Variants in PRF1 observed in about 807,000 individuals in gnomAD.
PRF1 encodes perforin-1.
In PRF1, 11 loss-of-function variants were observed where a neutral mutation model predicts 11.7. That is an observed-to-expected ratio of 0.94 (90% CI 0.59 to 1.56). The LOEUF (loss-of-function observed/expected upper bound fraction) is 1.56, where lower values mean the gene tolerates loss of function less well. Ranked by LOEUF, PRF1 falls within the 40% of genes most tolerant of loss-of-function variation. PRF1 has a pLI of 0.00. For missense variants in PRF1, 729 were observed against 751.0 expected, an observed-to-expected ratio of 0.97 and a Z score of 0.34; for synonymous variants, 314 against 327.8, an observed-to-expected ratio of 0.96 and a Z score of 0.45.
In PRF1 at chr10:70,600,763, C is replaced by A; in HGVS notation, c.140G>T (p.Gly47Val). ...GCGGCGGAGGCTGGTCACGTCCACACCCTCCCCGGCCAGCCATGCACCAGG... is the reference window on the plus strand; with the variant it reads ...GCGGCGGAGGCTGGTCACGTCCACAACCTCCCCGGCCAGCCATGCACCAGG... ...FVPGAWLAGEGVDVTSLRRSG... is the reference protein window; with the variant it reads ...FVPGAWLAGEVVDVTSLRRSG... The change falls in exon 2 of 3, where the codon GGT (glycine) becomes GTT (valine). Residue 47 changes from glycine to valine, a missense_variant. By Grantham distance (109) the Gly-to-Val change is moderately radical. Coordinates refer to ENST00000441259, the MANE Select transcript of PRF1 (RefSeq NM_001083116.3). The surrounding 1 kb of genome is among the most constrained non-coding windows in gnomAD (Gnocchi z 4.9). The A allele has an allele frequency of 6.2e-7, 1 of 1,611,488 alleles. No homozygotes were observed. Among genetic ancestry groups the A allele is most frequent in the Admixed American group, 1.7e-5 (1 of 59,900 alleles).
intron 1 of PRF1, among the ~76,000 whole-genome samples, chr10:70,602,244 C>G (rs1848241957): frequency 6.6e-6 from 1 of 152,170 alleles, no homozygotes; most frequent in East Asian, 1.9e-4. Context: ...GGTGGAATTT[C>G]AGGCAGCGTG....
Position 70,598,509 on chromosome 10 carries a change from G to C in PRF1, c.1212C>G (p.Thr404=), listed in dbSNP as rs757256300. 6.2e-7 allele frequency: 1 copy of C among 1,613,458 alleles called. No homozygotes were observed. The highest frequency in any genetic ancestry group is 1.1e-5 in the South Asian group (1 of 91,066). Residue 404 remains threonine (T), a synonymous_variant, in exon 3 of 3, where the codon ACC becomes ACG. Transcript: ENST00000441259. The part of the protein sequence containing the change: ...QCVCHGSAVT[T]QDCCPRQRGL... ...CCCTCTGCCGAGGGCAGCAGTCCTG[G>C]GTGGTGACCGCTGAGCCATGGCACA...
Position 70,597,809 on chromosome 10 carries a change from T to C in PRF1, c.*244A>G. 1.6e-6 allele frequency: 1 copy of C among 606,572 alleles called. No individual in the cohort carries two copies. Among genetic ancestry groups the C allele is most frequent in the Non-Finnish European group, 2.9e-6 (1 of 344,796 alleles). 37.6% of individuals were successfully genotyped at this position (606,572 alleles called of 1,614,324 possible). On this transcript the variant is annotated 3_prime_UTR_variant, in exon 3 of 3. Coordinates refer to ENST00000441259, the MANE Select transcript of PRF1 (RefSeq NM_001083116.3). Reference sequence around the variant, plus strand: ...AAGAAGAATTGTGTTGGGCCACATGTAAAATCCACTAGCACTAACGATAGC... The same window carrying C: ...AAGAAGAATTGTGTTGGGCCACATGCAAAATCCACTAGCACTAACGATAGC...
rs376506267 is a variant in PRF1, at chr10:70,598,851, G to C, written c.870C>G (p.Ala290=). The C allele has an allele frequency of 6.2e-7, 1 of 1,614,154 alleles. No individual in the cohort carries two copies. Among genetic ancestry groups the C allele is most frequent in the African/African-American group, 1.3e-5 (1 of 74,952 alleles). The stretch of plus-strand genomic sequence containing the variant: ...GCTCCCGGTAGGTTTGGTGGAAGGA[G>C]GCCGTCATCTTGTGCTTCTTCTTCT... ...EEKKKKHKMT[A]SFHQTYRERH... is the part of the protein sequence containing the mutation. Residue 290 remains alanine (A), a synonymous_variant, in exon 3 of 3, where the codon GCC becomes GCG. Coordinates refer to ENST00000441259, the MANE Select transcript of PRF1 (RefSeq NM_001083116.3).
Position 70,598,438 on chromosome 10 carries a change from C to G in PRF1, c.1283G>C (p.Trp428Ser), listed in dbSNP as rs747646127. 4 of 1,613,876 alleles carry G rather than the reference C, an allele frequency of 2.5e-6. No homozygotes were observed. The highest frequency in any genetic ancestry group is 4.5e-5 in the East Asian group (2 of 44,866). The change falls in exon 3 of 3, where the codon TGG (tryptophan) becomes TCG (serine). Residue 428 changes from tryptophan (W) to serine (S), a missense_variant. Coordinates refer to ENST00000441259, the MANE Select transcript of PRF1 (RefSeq NM_001083116.3). ...ATCCGTGGCAGTGAACCAGTCCCCC[C>G]ACAGGCCCCATGCTTGGATGAAGGT... ...EVTFIQAWGL[W>S]GDWFTATDAY...
At chr10:70,602,010 G>A (rs1057119092) in intron 1 of PRF1, among the ~76,000 whole-genome samples, 2 of 152,088 alleles carry the variant, frequency 1.3e-5, no homozygotes, top group South Asian at 4.1e-4. Context: ...GACAATGATT[G>A]TCTGGAAGGT....
chr10:70,598,492 C>T lies in PRF1; in HGVS notation c.1229G>A (p.Arg410Gln), dbSNP rs150558419. ...CTCCAGCTGGGCCAGGCCCCTCTGCCGAGGGCAGCAGTCCTGGGTGGTGAC... is the reference window on the plus strand; with the variant it reads ...CTCCAGCTGGGCCAGGCCCCTCTGCTGAGGGCAGCAGTCCTGGGTGGTGAC... The part of the protein sequence containing the change: ...SAVTTQDCCP[R>Q]QRGLAQLEVT... The change falls in exon 3 of 3, where the codon CGG (arginine) becomes CAG (glutamine). Residue 410 changes from arginine to glutamine, a missense_variant. By Grantham distance (43) the Arg-to-Gln change is conservative. Coordinates refer to ENST00000441259, the MANE Select transcript of PRF1 (RefSeq NM_001083116.3). The T allele has an allele frequency of 1.6e-4, 259 of 1,613,394 alleles. 3 individuals carry two copies. In the Admixed American group the frequency reaches 3.4e-3, roughly 21 times the overall value.
At chr10:70,599,323 G>A in intron 2 of PRF1, 142 bp from the exon 3 acceptor site, 1 of 1,053,070 alleles carries the variant, frequency 9.5e-7, no homozygotes, top group Non-Finnish European at 1.4e-6. Context: ...CAGAGCACAA[G>A]CACAGTGGCA....
intron 2 of PRF1, among the ~76,000 whole-genome samples, 175 bp from the exon 3 acceptor site, chr10:70,599,356 G>A (rs771399057): frequency 1.1e-4 from 17 of 152,162 alleles, no homozygotes; most frequent in Admixed American, 6.5e-4. Flanking sequence ...GAATGCCTCC[G>A]CTCTCACCCC....
At chr10:70,601,658 C>T (rs1431348897) in intron 1 of PRF1, among the ~76,000 whole-genome samples, 2 of 151,450 alleles carry the variant, frequency 1.3e-5, no homozygotes, top group African/African-American at 4.9e-5. Context: ...GTGAAACCCC[C>T]TCTTTACTAA....
At position 70,599,183 on chromosome 10, in the gene PRF1, T is replaced by C; in HGVS notation, c.540-2A>G. Reference sequence around the variant, plus strand: ...GGGGGAGTGTGTACCACATGGAAACTGCGAGAAGAGAGAGACCTCAGCTGG... The same window carrying C: ...GGGGGAGTGTGTACCACATGGAAACCGCGAGAAGAGAGAGACCTCAGCTGG... On this transcript the variant is annotated splice_acceptor_variant, in intron 2 of 2. Transcript: ENST00000441259. LOFTEE classifies it high-confidence loss of function. 3.1e-6 allele frequency: 5 copies of C among 1,614,146 alleles called. No homozygotes were observed. Among genetic ancestry groups the C allele is most frequent in the Non-Finnish European group, 4.2e-6 (5 of 1,180,022 alleles).
chr10:70,600,980 C>G lies in PRF1; in HGVS notation c.-30-48G>C, dbSNP rs1589233675. On this transcript the variant is annotated intron_variant, in intron 1 of 2. Coordinates refer to ENST00000441259, the MANE Select transcript of PRF1 (RefSeq NM_001083116.3). This position sits in a 1 kb window ranked among gnomAD's most constrained non-coding sequence, Gnocchi z 4.9. ...ATGGAGGATGACTGCTCCCTTCCCC[C>G]ACAGCCACAGATTATCAGGGCACAT... The G allele has an allele frequency of 3.9e-6, 6 of 1,534,880 alleles. No homozygotes were observed. The highest frequency in any genetic ancestry group is 2.0e-5 in the Admixed American group (1 of 50,744).
In PRF1 at chr10:70,598,848, G is replaced by A. The variant is rs149008090; in HGVS notation, c.873C>T (p.Ser291=). ...GGCGCTCCCGGTAGGTTTGGTGGAA[G>A]GAGGCCGTCATCTTGTGCTTCTTCT... ...EKKKKHKMTA[S]FHQTYRERHS... The change falls in exon 3 of 3, where the codon TCC becomes TCT. Residue 291 remains serine, a synonymous_variant. Coordinates refer to ENST00000441259, the MANE Select transcript of PRF1 (RefSeq NM_001083116.3). 408 of 1,614,278 alleles carry A rather than the reference G, an allele frequency of 2.5e-4. 1 individual carries two copies. In the African/African-American group the frequency reaches 4.7e-3, roughly 19 times the overall value.
intron 1 of PRF1, among the ~76,000 whole-genome samples, chr10:70,602,382 T>G (rs1848243763): frequency 6.6e-6 from 1 of 152,080 alleles, no homozygotes; most frequent in Admixed American, 6.5e-5. Flanking sequence ...CTCATGGTAT[T>G]CTGTCCCAGG....
Position 70,597,555 on chromosome 10 carries a change from C to A in PRF1, c.*498G>T. 2.2e-6 allele frequency: 1 copy of A among 452,744 alleles called. No homozygotes were observed. Among genetic ancestry groups the A allele is most frequent in the Non-Finnish European group, 3.8e-6 (1 of 260,452 alleles). 28.0% of individuals were successfully genotyped at this position (452,744 alleles called of 1,614,324 possible). ...AGGGTCCTAAAAGACCAGCCCTGAGCAGCCTGGTGGGAACAGCCTCTTGGC... is the reference window on the plus strand; with the variant it reads ...AGGGTCCTAAAAGACCAGCCCTGAGAAGCCTGGTGGGAACAGCCTCTTGGC... On this transcript the variant is annotated 3_prime_UTR_variant, in exon 3 of 3. Transcript: ENST00000441259.
intron 1 of PRF1, 144 bp from the exon 2 acceptor site, chr10:70,601,076 G>A: frequency 7.9e-7 from 1 of 1,269,902 alleles, no homozygotes; most frequent in Non-Finnish European, 1.1e-6. Context: ...GTCCCTTATA[G>A]GCCTGGTTCA....
rs1226313750 is a variant in PRF1 at position 70,600,439 on chromosome 10, G to A, written c.464C>T (p.Ala155Val). Residue 155 changes from alanine to valine, a missense_variant, in exon 2 of 3, where the codon GCC (alanine) becomes GTC (valine). Ala to Val is a moderately conservative substitution (Grantham distance 64). Transcript: ENST00000441259. The surrounding 1 kb of genome is among the most constrained non-coding windows in gnomAD (Gnocchi z 4.9). ...GTGGGTCTTCTGGGCTGCAAAGTTG[G>A]CTGCCTGTGAGTGTGAGCCGGCCAC... Reference protein sequence around the residue: ...VSVAGSHSQAANFAAQKTHQD... With the variant: ...VSVAGSHSQAVNFAAQKTHQD... 1.2e-6 allele frequency: 2 copies of A among 1,614,094 alleles called. No individual in the cohort carries two copies. Among genetic ancestry groups the A allele is most frequent in the Admixed American group, 3.3e-5 (2 of 60,008 alleles).
In PRF1 at chr10:70,600,212, AT is replaced by A; in HGVS notation, c.539+151del. On this transcript the variant is annotated intron_variant, in intron 2 of 2. Coordinates refer to ENST00000441259, the MANE Select transcript of PRF1 (RefSeq NM_001083116.3). The surrounding 1 kb of genome is among the most constrained non-coding windows in gnomAD (Gnocchi z 4.9). ...GGATGAGAGGAGGCCACAGGGCTGA[AT>A]CACCTGAAGTCTGAGAGCCAGGATT... is the stretch of plus-strand genomic sequence containing the variant. 1 of 1,434,458 alleles carries A rather than the reference AT, an allele frequency of 7.0e-7. No individual in the cohort carries two copies. The highest frequency in any genetic ancestry group is 9.3e-7 in the Non-Finnish European group (1 of 1,077,234). 88.9% of individuals were successfully genotyped at this position (1,434,458 alleles called of 1,614,324 possible). A position where few individuals can be genotyped will look rare whatever the true frequency, so the allele number is the denominator to read the frequency against.
Position 70,598,009 on chromosome 10 carries a change from C to A in PRF1, c.*44G>T. Reference sequence around the variant, plus strand: ...ACAGCCCTGGCTCCCACTGTGAGAACCCCTTCAGTCCAAGCATACTGGTCC... The same window carrying A: ...ACAGCCCTGGCTCCCACTGTGAGAAACCCTTCAGTCCAAGCATACTGGTCC... On this transcript the variant is annotated 3_prime_UTR_variant, in exon 3 of 3. Coordinates refer to ENST00000441259, the MANE Select transcript of PRF1 (RefSeq NM_001083116.3). 3 of 1,604,730 alleles carry A rather than the reference C, an allele frequency of 1.9e-6. No individual in the cohort carries two copies. The highest frequency in any genetic ancestry group is 2.5e-6 in the Non-Finnish European group (3 of 1,178,874).
Sources: allele counts gnomAD v4.1 joint callset (sites outside exome capture counted in the v4.1 genomes callset), GRCh38; gene constraint gnomAD v4.1.1; non-coding constraint Gnocchi (gnomAD v3.1); transcripts MANE v1.5; gene names NCBI Gene and HGNC (gene_info 2026-07-23, HGNC 2026-07-21).